Variants in CCDC180 observed in about 807,000 individuals in gnomAD.
The protein encoded by CCDC180 is coiled-coil domain containing 180, also known as coiled-coil domain-containing protein 180.
Under a neutral mutation model 209.2 loss-of-function variants are expected in CCDC180, and 154 were observed. The observed-to-expected ratio is 0.74, with a 90% CI of 0.65 to 0.84. The LOEUF is 0.84. CCDC180 is among the 40% of genes least tolerant of loss of function. The probability of loss-of-function intolerance (pLI) is 0.00; values close to 1 mark genes in which losing one functional copy is unlikely to be tolerated. For missense variants in CCDC180, 1,874 were observed against 1,997.3 expected (o/e 0.94, Z 1.18); for synonymous variants, 778 against 749.1 (o/e 1.04, Z -0.63).
chr9:97,343,537 G>A lies in CCDC180; in HGVS notation c.2472G>A (p.Ser824=), dbSNP rs747534952. ...TCATAGAACAAGTGACAATTCCATC[G>A]AGACTAATTTTAGAAATTAAGAAAC... ...AKFIEQVTIP[S]RLILEIKKQL... is the part of the protein sequence containing the mutation. The change falls in exon 19 of 37, where the codon TCG becomes TCA. Residue 824 remains serine (S), a synonymous_variant. Transcript: ENST00000529487. 63 of 1,612,728 alleles carry A rather than the reference G, an allele frequency of 3.9e-5. No homozygotes were observed. The highest frequency in any genetic ancestry group is 6.7e-5 in the African/African-American group (5 of 74,748).
chr9:97,307,938 C>T (rs1564142244), intron 1 of CCDC180, 45 bp from the exon 2 acceptor site: 1 of 1,582,456 alleles, frequency 6.3e-7, no homozygotes, highest in Non-Finnish European at 8.6e-7. Context: ...GTCGTCCCGC[C>T]TGGACCTGAA....
chr9:97,319,560 A>T (rs184436613), intron 10 of CCDC180, among the ~76,000 whole-genome samples: 7 of 152,176 alleles, frequency 4.6e-5, no homozygotes, highest in Non-Finnish European at 8.8e-5. Flanking sequence ...TTTAGCTCCC[A>T]CTTGTGAGAA....
chr9:97,355,979 C>T (rs1587824733), intron 24 of CCDC180, among the ~76,000 whole-genome samples: 4 of 151,888 alleles, frequency 2.6e-5, no homozygotes, highest in Admixed American at 1.3e-4. Context: ...GGGAAGGGTT[C>T]GGGTGGGGCT....
At chr9:97,312,937 G>GTGCTATGGAAGGAAA (rs1367165152) in intron 4 of CCDC180, among the ~76,000 whole-genome samples, 5 of 152,114 alleles carry the variant, frequency 3.3e-5, no homozygotes, top group Admixed American at 2.0e-4. Context: ...TATGCAGGAA[G>GTGCTATGGAAGGAAA]TGTTGGCAGT....
At chr9:97,338,646 G>T (rs1825982440) in intron 18 of CCDC180, among the ~76,000 whole-genome samples, 1 of 152,188 alleles carries the variant, frequency 6.6e-6, no homozygotes, top group South Asian at 2.1e-4. Flanking sequence ...CTGTTGATTT[G>T]GGGTGGAGAG....
rs2279114 is a variant in CCDC180, at chr9:97,377,409, T to C, written c.*515T>C. 83,592 of 152,532 alleles carry C rather than the reference T, an allele frequency of 0.55. 24,358 individuals carry two copies. Among genetic ancestry groups the C allele is most frequent in the African/African-American group, 0.73 (30,404 of 41,402 alleles). 9.4% of individuals were successfully genotyped at this position (152,532 alleles called of 1,614,324 possible). On this transcript the variant is annotated 3_prime_UTR_variant, in exon 37 of 37. Coordinates refer to ENST00000529487, the MANE Select transcript of CCDC180 (RefSeq NM_020893.6). ...TTGGAAAAAAAAAAATCTTCCAGGC[T>C]CCTTTAGTCCTGTGTTGCCCAGATC... is the stretch of plus-strand genomic sequence containing the variant.
chr9:97,308,397 C>T (rs770096408), intron 2 of CCDC180, among the ~76,000 whole-genome samples: 11 of 152,204 alleles, frequency 7.2e-5, no homozygotes, highest in Non-Finnish European at 8.8e-5. Flanking sequence ...TGGGTGACCT[C>T]TGTTTTTCCC....
intron 18 of CCDC180, among the ~76,000 whole-genome samples, chr9:97,340,189 G>C (rs1826035090): frequency 1.3e-5 from 2 of 152,172 alleles, no homozygotes; most frequent in Admixed American, 6.5e-5. Flanking sequence ...TCTCCATCCT[G>C]CTTTGTTCTG....
chr9:97,311,429 AG>A (rs1370823315), intron 3 of CCDC180, among the ~76,000 whole-genome samples: 1 of 152,216 alleles, frequency 6.6e-6, no homozygotes, highest in Non-Finnish European at 1.5e-5. Flanking sequence ...GGGGCGCCCA[AG>A]GAATAGCAGC....
At position 97,318,532 on chromosome 9, in the gene CCDC180, G is replaced by C; in HGVS notation, c.1029G>C (p.Lys343Asn). The change falls in exon 10 of 37, where the codon AAG (lysine) becomes AAC (asparagine). Residue 343 changes from lysine to asparagine, a missense_variant. Transcript: ENST00000529487. ...CGAAGGAGCTAGAGGTCATGCTGAA[G>C]ACCCAGAACGTCCTGCAGCAAAGGC... ...AVTKELEVMLKTQNVLQQRRL... is the reference protein window; with the variant it reads ...AVTKELEVMLNTQNVLQQRRL... The C allele has an allele frequency of 6.2e-7, 1 of 1,613,714 alleles. No individual in the cohort carries two copies. The highest frequency in any genetic ancestry group is 8.5e-7 in the Non-Finnish European group (1 of 1,179,964).
In CCDC180 at chr9:97,354,695, G is replaced by A; in HGVS notation, c.3129G>A (p.Glu1043=). The change falls in exon 23 of 37, where the codon GAG becomes GAA. Residue 1043 remains glutamate, a synonymous_variant. Transcript: ENST00000529487. ...TCATGCTCAACATGGAGAAGTTGGA[G>A]AATGAGTACCTGGACCAGGTAGGGC... is the stretch of plus-strand genomic sequence containing the variant. The part of the protein sequence containing the change: ...SVIMLNMEKL[E]NEYLDQANDV... 1.9e-6 allele frequency: 3 copies of A among 1,614,230 alleles called. No homozygotes were observed. The highest frequency in any genetic ancestry group is 2.5e-6 in the Non-Finnish European group (3 of 1,180,036).
chr9:97,313,814 C>A (rs1833068568), intron 5 of CCDC180, among the ~76,000 whole-genome samples: 1 of 152,224 alleles, frequency 6.6e-6, no homozygotes, highest in African/African-American at 2.4e-5. Flanking sequence ...ACACTGGTGT[C>A]TGGAATGTTC....
At chr9:97,349,662 G>A (rs573952632) in intron 21 of CCDC180, among the ~76,000 whole-genome samples, 2 of 152,334 alleles carry the variant, frequency 1.3e-5, no homozygotes, top group East Asian at 3.9e-4. Flanking sequence ...ATGGGAGAGG[G>A]TTGAATTCCA....
At chr9:97,368,497 A>G (rs1277332073) in intron 31 of CCDC180, among the ~76,000 whole-genome samples, 2 of 152,346 alleles carry the variant, frequency 1.3e-5, no homozygotes, top group African/African-American at 2.4e-5. Context: ...CTGTCCCTCC[A>G]TAAGACAGAA....
Position 97,366,320 on chromosome 9 carries a change from T to G in CCDC180, c.4048-239T>G, listed in dbSNP as rs1280587048. Among the ~76,000 whole-genome samples, 3 of 152,224 alleles carry G rather than the reference T, an allele frequency of 2.0e-5. No individual in the cohort carries two copies. Among genetic ancestry groups the G allele is most frequent in the Non-Finnish European group, 4.4e-5 (3 of 68,038 alleles). On this transcript the variant is annotated intron_variant, in intron 30 of 36. Transcript: ENST00000529487. The surrounding 1 kb of genome is among the most constrained non-coding windows in gnomAD (Gnocchi z 4.3). Reference sequence around the variant, plus strand: ...GGTCTTGAAGGATAAATAGGATTCTTGCCAGTCACTCATTCAGGAAATAAC... The same window carrying G: ...GGTCTTGAAGGATAAATAGGATTCTGGCCAGTCACTCATTCAGGAAATAAC...
At chr9:97,314,752 T>A (rs372488258) in intron 7 of CCDC180, 24 bp downstream of exon 7, 3 of 1,608,224 alleles carry the variant, frequency 1.9e-6, no homozygotes, top group Non-Finnish European at 2.6e-6. Context: ...AGGTGGGCTG[T>A]GTGGTGACTG....
At chr9:97,332,971 C>T (rs563108557) in intron 18 of CCDC180, among the ~76,000 whole-genome samples, 3 of 152,132 alleles carry the variant, frequency 2.0e-5, no homozygotes, top group Non-Finnish European at 4.4e-5. Context: ...ATGCTTCCAT[C>T]TTTTGCCCAA....
intron 9 of CCDC180, among the ~76,000 whole-genome samples, chr9:97,317,620 A>G (rs534731646): frequency 1.3e-5 from 2 of 152,158 alleles, no homozygotes; most frequent in Non-Finnish European, 2.9e-5. Flanking sequence ...GGCCTGAACA[A>G]GTGGACATCC....
chr9:97,327,926 A>T, intron 15 of CCDC180, 94 bp from the exon 16 acceptor site: 1 of 1,400,660 alleles, frequency 7.1e-7, no homozygotes, highest in Non-Finnish European at 9.8e-7. Context: ...CAGCAGCTCT[A>T]CACAGAGTTG....
Sources: allele counts gnomAD v4.1 joint callset (sites outside exome capture counted in the v4.1 genomes callset), GRCh38; gene constraint gnomAD v4.1.1; non-coding constraint Gnocchi (gnomAD v3.1); transcripts MANE v1.5; gene names NCBI Gene and HGNC (gene_info 2026-07-23, HGNC 2026-07-21).